The following GSAP variants were observed in gnomAD, a reference collection of about 807,000 sequenced individuals.
GSAP encodes the protein gamma-secretase activating protein, also known as gamma-secretase-activating protein.
Under a neutral mutation model 131.7 loss-of-function variants are expected in GSAP, and 118 were observed. That is an observed-to-expected ratio of 0.90 (90% CI 0.77 to 1.04). GSAP has a LOEUF of 1.04. Ranked by LOEUF, GSAP falls within the 50% of genes least tolerant of loss-of-function variation. The pLI is 0.00. For synonymous variants in GSAP, 381 were observed against 363.4 expected (o/e 1.05, Z -0.55); for missense variants, 1,019 against 1,013.2 (o/e 1.01, Z -0.08).
chr7:77,404,566 T>A lies in GSAP; in HGVS notation c.236A>T (p.Gln79Leu), dbSNP rs1583908803. The change falls in exon 3 of 31, where the codon CAA becomes CTA. Residue 79 changes from glutamine (Q) to leucine (L), a missense_variant. Transcript: ENST00000257626. ...VFGLYDCQTR[Q>L]NELLYTFEKD... ...GTAATCTATGATTTTTACCTCATTT[T>A]GTCTGGTTTGACAATCATATAATCC... The A allele has an allele frequency of 6.5e-7, 1 of 1,548,546 alleles. No individual in the cohort carries two copies.
intron 1 of GSAP, among the ~76,000 whole-genome samples, chr7:77,407,556 T>C (rs1802503387): frequency 6.6e-6 from 1 of 152,352 alleles, no homozygotes. Flanking sequence ...CTATTACCTA[T>C]TGTCAGTTAT....
In GSAP at chr7:77,333,237, A is replaced by G. The variant is rs555534862; in HGVS notation, c.1546-2870T>C. Among the ~76,000 whole-genome samples, 25 of 152,316 alleles carry G rather than the reference A, an allele frequency of 1.6e-4. No homozygotes were observed. The South Asian group carries it at 4.3e-3, about 27-fold the overall frequency. ...GAAACTTGGAAAACAGAGATGGAAC[A>G]GGGGAGGGAAATGGATTTGAGTCAG... On this transcript the variant is annotated intron_variant, in intron 19 of 30. Transcript: ENST00000257626.
At chr7:77,414,053 A>C (rs1803822556) in intron 1 of GSAP, among the ~76,000 whole-genome samples, 1 of 152,242 alleles carries the variant, frequency 6.6e-6, no homozygotes, top group Non-Finnish European at 1.5e-5. Flanking sequence ...AAATGCTTAC[A>C]GGCACAGAAT....
chr7:77,351,360 G>C lies in GSAP; in HGVS notation c.1491+1584C>G, dbSNP rs894751079. 5 of 957,004 alleles carry C rather than the reference G, an allele frequency of 5.2e-6. No homozygotes were observed. The African/African-American group carries it at 9.0e-5, about 17-fold the overall frequency. 59.3% of individuals were successfully genotyped at this position (957,004 alleles called of 1,614,324 possible). ...TTTTCTATTATCTTAAAAAATCCAAGTCAGTTGTCTCCTACAAAAATGTGA... is the reference window on the plus strand; with the variant it reads ...TTTTCTATTATCTTAAAAAATCCAACTCAGTTGTCTCCTACAAAAATGTGA... On this transcript the variant is annotated intron_variant, in intron 18 of 30. Coordinates refer to ENST00000257626, the MANE Select transcript of GSAP (RefSeq NM_017439.4).
At chr7:77,412,776 CAA>C (rs34619648) in intron 1 of GSAP, among the ~76,000 whole-genome samples, 480 of 110,648 alleles carry the variant, frequency 4.3e-3, no homozygotes, top group African/African-American at 9.7e-3. Context: ...ACCAGTTTGA[CAA>C]AAAAAAAAAA....
chr7:77,344,091 A>C (rs1004364395), intron 19 of GSAP, among the ~76,000 whole-genome samples: 34 of 152,122 alleles, frequency 2.2e-4, no homozygotes, highest in Admixed American at 3.3e-4. Context: ...TGGGTAGAGG[A>C]CTTTCCCACA....
intron 6 of GSAP, among the ~76,000 whole-genome samples, chr7:77,383,538 C>T (rs970507996): frequency 2.0e-5 from 3 of 152,174 alleles, no homozygotes; most frequent in African/African-American, 4.8e-5. Context: ...CACAGAACGA[C>T]TGTCACCAGG....
intron 2 of GSAP, among the ~76,000 whole-genome samples, chr7:77,405,758 C>T (rs1231906686): frequency 6.6e-6 from 1 of 152,152 alleles, no homozygotes; most frequent in Non-Finnish European, 1.5e-5. Flanking sequence ...AGGCTGGTCT[C>T]GATCTCATGA....
intron 26 of GSAP, among the ~76,000 whole-genome samples, chr7:77,318,789 T>C (rs1292785581): frequency 6.6e-6 from 1 of 151,992 alleles, no homozygotes; most frequent in African/African-American, 2.4e-5. Context: ...TTCTTGACAT[T>C]GGTCTTGGCA....
At chr7:77,343,933 T>C (rs1299601335) in intron 19 of GSAP, among the ~76,000 whole-genome samples, 1 of 152,090 alleles carries the variant, frequency 6.6e-6, no homozygotes, top group Non-Finnish European at 1.5e-5. Flanking sequence ...ATTCTACTAC[T>C]CTTCAGGGAT....
At chr7:77,381,106 T>A (rs1437070152) in intron 8 of GSAP, among the ~76,000 whole-genome samples, 199 bp downstream of exon 8, 1 of 152,118 alleles carries the variant, frequency 6.6e-6, no homozygotes. Context: ...AGATTGAGGG[T>A]TGAGGTAGAG....
chr7:77,341,244 TCTC>T (rs1790860398), intron 19 of GSAP, among the ~76,000 whole-genome samples: 1 of 152,084 alleles, frequency 6.6e-6, no homozygotes. Context: ...GTCTTCTTTC[TCTC>T]CTGTCTGTTC....
intron 19 of GSAP, among the ~76,000 whole-genome samples, chr7:77,337,355 TG>T (rs1790176989): frequency 6.6e-6 from 1 of 152,008 alleles, no homozygotes; most frequent in Non-Finnish European, 1.5e-5. Flanking sequence ...TTGTATTCTC[TG>T]TAGAGACAAG....
At chr7:77,387,173 G>A (rs1798696972) in intron 6 of GSAP, among the ~76,000 whole-genome samples, 187 bp downstream of exon 6, 1 of 152,206 alleles carries the variant, frequency 6.6e-6, no homozygotes, top group Non-Finnish European at 1.5e-5. Context: ...CAGAGTTGGT[G>A]GAGCTAGCTT....
chr7:77,379,118 C>A (rs1797413330), intron 8 of GSAP, among the ~76,000 whole-genome samples: 1 of 152,048 alleles, frequency 6.6e-6, no homozygotes, highest in Non-Finnish European at 1.5e-5. Flanking sequence ...CTTGGACAAT[C>A]ATTTTTCTGA....
At chr7:77,412,818 C>CTTG (rs1407803292) in intron 1 of GSAP, among the ~76,000 whole-genome samples, 2 of 151,448 alleles carry the variant, frequency 1.3e-5, no homozygotes, top group Admixed American at 1.3e-4. Context: ...CTGTCACGGG[C>CTTG]TTGTGAGGAT....
chr7:77,335,284 C>T (rs1478242529), intron 19 of GSAP, among the ~76,000 whole-genome samples: 1 of 151,758 alleles, frequency 6.6e-6, no homozygotes, highest in Admixed American at 6.6e-5. Context: ...GCCTGTAGGC[C>T]CAGCTACTTG....
chr7:77,386,431 C>CCA (rs1798573885), intron 6 of GSAP, among the ~76,000 whole-genome samples: 1 of 152,080 alleles, frequency 6.6e-6, no homozygotes, highest in Non-Finnish European at 1.5e-5. Flanking sequence ...GATTATGATC[C>CCA]AAACCCAAAC....
intron 19 of GSAP, among the ~76,000 whole-genome samples, chr7:77,346,036 G>T (rs1458917764): frequency 6.6e-6 from 1 of 151,990 alleles, no homozygotes; most frequent in Admixed American, 6.6e-5. Flanking sequence ...TTGGGAGGCC[G>T]AGGTGGGCAG....
Sources: allele counts gnomAD v4.1 joint callset (sites outside exome capture counted in the v4.1 genomes callset), GRCh38; gene constraint gnomAD v4.1.1; transcripts MANE v1.5; gene names NCBI Gene and HGNC (gene_info 2026-07-23, HGNC 2026-07-21).